The following OPHN1 variants were observed in gnomAD, a reference collection of about 807,000 sequenced individuals.
OPHN1 encodes oligophrenin-1.
A neutral mutation model predicts 60.7 loss-of-function variants in OPHN1; 11 were observed. The ratio of observed to expected loss-of-function variants is 0.18; its 90% CI spans 0.11 to 0.30. The LOEUF is 0.30. Among genes scored for constraint, OPHN1 ranks in the 10% least tolerant of loss-of-function variants. The probability of loss-of-function intolerance (pLI) is 1.00; values close to 1 mark genes in which losing one functional copy is unlikely to be tolerated. For missense variants in OPHN1, 449 were observed against 611.0 expected, an observed-to-expected ratio of 0.73 and a Z score of 2.80; for synonymous variants, 226 against 222.6, an observed-to-expected ratio of 1.02 and a Z score of -0.14.
chrX:68,308,594 G>A (rs896892058), intron 2 of OPHN1, among the ~76,000 whole-genome samples: 2 of 103,988 alleles, frequency 1.9e-5, no homozygotes, highest in East Asian at 3.0e-4. Context: ...CCCATCTCAC[G>A]AAAAGAAAAA....
chrX:68,103,391 G>T (rs1228399924), intron 18 of OPHN1, among the ~76,000 whole-genome samples: 1 of 111,866 alleles, frequency 8.9e-6, no homozygotes, highest in Non-Finnish European at 1.9e-5. Context: ...AATAATAAGA[G>T]ATATTTATGA....
intron 15 of OPHN1, among the ~76,000 whole-genome samples, chrX:68,167,490 T>C (rs1284766072): frequency 3.6e-5 from 4 of 110,198 alleles, no homozygotes; most frequent in Non-Finnish European, 7.6e-5. Flanking sequence ...AGCAATCAAA[T>C]TGTTGGATAT....
intron 3 of OPHN1, among the ~76,000 whole-genome samples, chrX:68,293,810 C>A (rs1397769143): frequency 2.7e-5 from 3 of 111,605 alleles, no homozygotes; most frequent in African/African-American, 9.8e-5. Context: ...TGTACTTGCA[C>A]AACCCTGAGA....
chrX:68,283,717 T>A (rs1269907630), intron 3 of OPHN1, among the ~76,000 whole-genome samples: 1 of 112,033 alleles, frequency 8.9e-6, no homozygotes, highest in Non-Finnish European at 1.9e-5. Context: ...TAGTGCCTAT[T>A]CAAATTCCTC....
intron 9 of OPHN1, among the ~76,000 whole-genome samples, chrX:68,208,079 ATTCT>A (rs200822323): frequency 0.01 from 480 of 47,896 alleles, 8 homozygotes; most frequent in Admixed American, 0.064. Context: ...TCTTTCTTTC[ATTCT>A]TTCTTTCTTT....
chrX:68,325,447 A>C (rs1359913453), intron 2 of OPHN1, among the ~76,000 whole-genome samples: 1 of 105,105 alleles, frequency 9.5e-6, no homozygotes, highest in Non-Finnish European at 1.9e-5. Context: ...CTATTGAAAA[A>C]AGTGAATATT....
chrX:68,117,307 C>T (rs934981776), intron 16 of OPHN1, among the ~76,000 whole-genome samples: 1 of 111,668 alleles, frequency 9.0e-6, no homozygotes, highest in Non-Finnish European at 1.9e-5. Flanking sequence ...ACAGTTCAAA[C>T]CTCAGTTTAA....
chrX:68,357,874 A>T (rs1468632192), intron 2 of OPHN1, among the ~76,000 whole-genome samples: 1 of 110,519 alleles, frequency 9.0e-6, no homozygotes, highest in Non-Finnish European at 1.9e-5. Context: ...ATTTTGTTTG[A>T]CTGTTTTTAT....
chrX:68,379,937 C>T lies in OPHN1; in HGVS notation c.154+52930G>A, dbSNP rs778844817. ...GCTTTGGTATCAGGATGATGCTGGCCTCATAAAATGAGTTAGGGAGGATTC... is the reference window on the plus strand; with the variant it reads ...GCTTTGGTATCAGGATGATGCTGGCTTCATAAAATGAGTTAGGGAGGATTC... On this transcript the variant is annotated intron_variant, in intron 2 of 24. Transcript: ENST00000355520. Among the ~76,000 whole-genome samples the T allele has an allele frequency of 1.0e-4, 11 of 109,891 alleles. No individual in the cohort carries two copies. In the South Asian group the frequency reaches 4.3e-3, roughly 43 times the overall value.
At chrX:68,372,731 T>A (rs2078535780) in intron 2 of OPHN1, among the ~76,000 whole-genome samples, 1 of 110,831 alleles carries the variant, frequency 9.0e-6, no homozygotes, top group Admixed American at 9.7e-5. Context: ...TCAATTGCAG[T>A]GTCAGTTTCC....
chrX:68,261,245 T>C (rs1165314607), intron 5 of OPHN1, among the ~76,000 whole-genome samples: 1 of 111,332 alleles, frequency 9.0e-6, no homozygotes, highest in Non-Finnish European at 1.9e-5. Flanking sequence ...AAGGGCACCC[T>C]TGAAAAAGAA....
chrX:68,390,886 C>G (rs1051666868), intron 2 of OPHN1, among the ~76,000 whole-genome samples: 1 of 111,936 alleles, frequency 8.9e-6, no homozygotes, highest in Admixed American at 9.5e-5. Flanking sequence ...TAAAATGACA[C>G]AAATTTATTA....
intron 12 of OPHN1, among the ~76,000 whole-genome samples, chrX:68,194,998 G>C (rs1162062483): frequency 1.3e-5 from 1 of 76,338 alleles, no homozygotes; most frequent in South Asian, 6.6e-4. Context: ...GAGAGAGAGA[G>C]AAAGAAAGGA....
At chrX:68,248,790 C>A (rs1202909020) in intron 5 of OPHN1, among the ~76,000 whole-genome samples, 1 of 111,990 alleles carries the variant, frequency 8.9e-6, no homozygotes, top group African/African-American at 3.2e-5. Flanking sequence ...TAGTCACTTG[C>A]AACAACATGG....
intron 16 of OPHN1, among the ~76,000 whole-genome samples, chrX:68,116,651 C>T (rs2077128496): frequency 9.0e-6 from 1 of 111,729 alleles, no homozygotes; most frequent in Non-Finnish European, 1.9e-5. Context: ...CAATTGCCTG[C>T]TTAATATTGT....
chrX:68,269,061 G>C (rs1036508269), intron 5 of OPHN1, among the ~76,000 whole-genome samples: 19 of 111,425 alleles, frequency 1.7e-4, no homozygotes, highest in South Asian at 3.8e-4. Flanking sequence ...AGGAGAACTA[G>C]AAACCACTGC....
intron 2 of OPHN1, among the ~76,000 whole-genome samples, chrX:68,303,145 A>C (rs1355211341): frequency 8.9e-6 from 1 of 111,881 alleles, no homozygotes; most frequent in Non-Finnish European, 1.9e-5. Context: ...CACACTACCC[A>C]AAACAATCTA....
intron 19 of OPHN1, among the ~76,000 whole-genome samples, chrX:68,081,268 A>G (rs2076973497): frequency 8.9e-6 from 1 of 111,773 alleles, no homozygotes; most frequent in South Asian, 3.8e-4. Flanking sequence ...GTGAGAGAGT[A>G]CAAAGTAGAG....
At chrX:68,213,533 G>GTCTGA (rs2077594476) in intron 7 of OPHN1, among the ~76,000 whole-genome samples, 3 of 109,336 alleles carry the variant, frequency 2.7e-5, no homozygotes, top group Non-Finnish European at 3.8e-5. Flanking sequence ...AAGACTTTCA[G>GTCTGA]AAGCTTCTGA....
Sources: allele counts gnomAD v4.1 joint callset (sites outside exome capture counted in the v4.1 genomes callset), GRCh38; gene constraint gnomAD v4.1.1; transcripts MANE v1.5; gene names NCBI Gene and HGNC (gene_info 2026-07-23, HGNC 2026-07-21).